Variants in TTLL5 observed in about 807,000 individuals in gnomAD.
The protein encoded by TTLL5 is tubulin tyrosine ligase like 5.
Under a neutral mutation model 168.4 loss-of-function variants are expected in TTLL5, and 132 were observed. The ratio of observed to expected loss-of-function variants is 0.78; its 90% CI spans 0.68 to 0.91. The LOEUF is 0.91. TTLL5 is among the 40% of genes least tolerant of loss of function. The pLI is 0.00. For synonymous variants in TTLL5, 546 were observed against 558.6 expected (o/e 0.98, Z 0.32); for missense variants, 1,545 against 1,581.5 (o/e 0.98, Z 0.39).
intron 17 of TTLL5, among the ~76,000 whole-genome samples, chr14:75,747,938 C>T (rs1889710585): frequency 6.6e-6 from 1 of 152,340 alleles, no homozygotes; most frequent in South Asian, 2.1e-4. Context: ...ACAACTTCTT[C>T]TCCAGGACAT....
At chr14:75,773,617 G>A (rs1022573729) in intron 21 of TTLL5, among the ~76,000 whole-genome samples, 35 of 151,968 alleles carry the variant, frequency 2.3e-4, no homozygotes, top group African/African-American at 8.2e-4. Flanking sequence ...GGCTGGGTGC[G>A]GTGGCTCATG....
chr14:75,782,645 A>G, intron 25 of TTLL5, 72 bp downstream of exon 25: 1 of 1,249,762 alleles, frequency 8.0e-7, no homozygotes, highest in Non-Finnish European at 1.1e-6. Flanking sequence ...TAGTCATCAG[A>G]TATTAAATAT....
intron 3 of TTLL5, among the ~76,000 whole-genome samples, chr14:75,670,217 T>A (rs950101557): frequency 5.3e-5 from 8 of 152,326 alleles, no homozygotes; most frequent in Admixed American, 2.0e-4. Flanking sequence ...CCTTTTTTTT[T>A]AATTTTGTTT....
At chr14:75,725,788 A>G (rs1475640145) in intron 12 of TTLL5, among the ~76,000 whole-genome samples, 1 of 152,228 alleles carries the variant, frequency 6.6e-6, no homozygotes, top group Non-Finnish European at 1.5e-5. Context: ...CTAGTTAAGC[A>G]TACCCAGTCC....
intron 28 of TTLL5, among the ~76,000 whole-genome samples, chr14:75,854,734 C>T (rs1897045168): frequency 6.6e-6 from 1 of 152,146 alleles, no homozygotes. Context: ...AGTTGCATTT[C>T]CCTGATGAGT....
At chr14:75,783,580 C>G in intron 26 of TTLL5, 50 bp downstream of exon 26, 1 of 1,572,780 alleles carries the variant, frequency 6.4e-7, no homozygotes, top group South Asian at 1.2e-5. Context: ...CTCCCCAGCC[C>G]CAATAAAGAA....
At chr14:75,888,390 G>A (rs1267075191) in intron 30 of TTLL5, among the ~76,000 whole-genome samples, 1 of 152,174 alleles carries the variant, frequency 6.6e-6, no homozygotes, top group Non-Finnish European at 1.5e-5. Flanking sequence ...TAAAATGGTT[G>A]TCGAAATGGT....
At position 75,707,711 on chromosome 14, in the gene TTLL5, A is replaced by G. The variant is rs761851088; in HGVS notation, c.740+4A>G. The G allele has an allele frequency of 5.1e-6, 8 of 1,566,870 alleles. No individual in the cohort carries two copies. In the East Asian group the frequency reaches 1.4e-4, roughly 27 times the overall value. On this transcript the variant is annotated splice_donor_region_variant and intron_variant, in intron 9 of 31. Coordinates refer to ENST00000298832, the MANE Select transcript of TTLL5 (RefSeq NM_015072.5). The stretch of plus-strand genomic sequence containing the variant: ...TCTATGAAGAAGGATTGGCTAGGTA[A>G]GAAGCTGTTTGGGGGTGAAGGGGTT...
rs751293596 is a variant in TTLL5 at position 75,779,743 on chromosome 14, G to A, written c.2515+41G>A. Reference sequence around the variant, plus strand: ...AATGAACGAAAAATAAGAAGAACAAGTGAAGAAATGAGAAATGCAAAGGAG... The same window carrying A: ...AATGAACGAAAAATAAGAAGAACAAATGAAGAAATGAGAAATGCAAAGGAG... On this transcript the variant is annotated intron_variant, in intron 24 of 31. Transcript: ENST00000298832. 3.8e-6 allele frequency: 6 copies of A among 1,568,596 alleles called. No individual in the cohort carries two copies. The South Asian group carries it at 5.9e-5, about 15-fold the overall frequency.
At chr14:75,773,966 AGAGAGAG>A (rs1566598260) in intron 21 of TTLL5, among the ~76,000 whole-genome samples, 38 of 122,382 alleles carry the variant, frequency 3.1e-4, no homozygotes, top group African/African-American at 1.0e-3. Flanking sequence ...AAAGAGAGAG[AGAGAGAG>A]AGAGAGAGAG....
intron 2 of TTLL5, among the ~76,000 whole-genome samples, chr14:75,668,748 A>G (rs951998421): frequency 2.0e-4 from 30 of 152,226 alleles, no homozygotes; most frequent in African/African-American, 5.8e-4. Context: ...TGCATCATCA[A>G]ATTGGCTTGA....
intron 21 of TTLL5, among the ~76,000 whole-genome samples, chr14:75,772,171 A>G (rs933466628): frequency 6.6e-6 from 1 of 152,208 alleles, no homozygotes; most frequent in Admixed American, 6.5e-5. Flanking sequence ...GCCCTTTAAA[A>G]GAATAACAAT....
chr14:75,874,196 G>A (rs1011508607), intron 29 of TTLL5, among the ~76,000 whole-genome samples: 10 of 151,966 alleles, frequency 6.6e-5, no homozygotes, highest in Non-Finnish European at 1.3e-4. Context: ...GGTTCACACC[G>A]TTCTCCTGCC....
intron 28 of TTLL5, among the ~76,000 whole-genome samples, chr14:75,842,741 T>TTATTCAC (rs1382823523): frequency 6.6e-6 from 1 of 152,094 alleles, no homozygotes; most frequent in East Asian, 1.9e-4. Flanking sequence ...AGGAAAGAGA[T>TTATTCAC]TATTCACGGT....
chr14:75,793,732 G>A (rs1022428203), intron 27 of TTLL5, among the ~76,000 whole-genome samples: 3 of 152,192 alleles, frequency 2.0e-5, no homozygotes, highest in African/African-American at 7.2e-5. Context: ...AGTGAAGGTA[G>A]ATGACACTTT....
chr14:75,669,147 T>C (rs2140089903), intron 2 of TTLL5, among the ~76,000 whole-genome samples: 1 of 152,264 alleles, frequency 6.6e-6, no homozygotes, highest in South Asian at 2.1e-4. Context: ...CTCCAATTGG[T>C]TTATGTGCCT....
intron 28 of TTLL5, among the ~76,000 whole-genome samples, chr14:75,846,792 GAAAAAAAA>G (rs5809732): frequency 8.1e-5 from 8 of 99,224 alleles, no homozygotes; most frequent in East Asian, 6.2e-4. Context: ...CTCCATCTCA[GAAAAAAAA>G]AAAAAAAAAA....
At chr14:75,687,540 C>T (rs945273155) in intron 5 of TTLL5, among the ~76,000 whole-genome samples, 19 of 152,272 alleles carry the variant, frequency 1.2e-4, no homozygotes, top group African/African-American at 4.6e-4. Flanking sequence ...TCCCAAAGTG[C>T]TGGGATTACA....
At chr14:75,827,881 CTAATTTTTG>C (rs1347254236) in intron 28 of TTLL5, among the ~76,000 whole-genome samples, 1 of 151,700 alleles carries the variant, frequency 6.6e-6, no homozygotes, top group African/African-American at 2.4e-5. Flanking sequence ...CCATGCCTGG[CTAATTTTTG>C]TATTTTTTGT....
Sources: allele counts gnomAD v4.1 joint callset (sites outside exome capture counted in the v4.1 genomes callset), GRCh38; gene constraint gnomAD v4.1.1; transcripts MANE v1.5; gene names NCBI Gene and HGNC (gene_info 2026-07-23, HGNC 2026-07-21).